The following VTA1 variants were observed in gnomAD, a reference collection of about 807,000 sequenced individuals.
VTA1 encodes the protein vacuolar protein sorting-associated protein VTA1 homolog.
VTA1 carries 24 observed loss-of-function variants against 36.9 expected under a neutral mutation model. The ratio of observed to expected loss-of-function variants is 0.65; its 90% confidence interval spans 0.47 to 0.91. VTA1 has a LOEUF of 0.91. Among genes scored for constraint, VTA1 ranks in the 40% least tolerant of loss-of-function variants. The pLI is 0.00. For missense variants in VTA1, 393 were observed against 377.2 expected, an observed-to-expected ratio of 1.04 and a Z score of -0.35; for synonymous variants, 142 against 130.2, an observed-to-expected ratio of 1.09 and a Z score of -0.62.
At chr6:142,217,746 ATGG>A (rs1487921151) in intron 7 of VTA1, among the ~76,000 whole-genome samples, 1 of 151,996 alleles carries the variant, frequency 6.6e-6, no homozygotes, top group Non-Finnish European at 1.5e-5. Flanking sequence ...TCCAAAGAAA[ATGG>A]TGGTTATTTC....
intron 7 of VTA1, among the ~76,000 whole-genome samples, chr6:142,217,854 T>G (rs1309406872): frequency 1.4e-5 from 2 of 140,114 alleles, no homozygotes; most frequent in Non-Finnish European, 3.2e-5. Flanking sequence ...GTTTTTAATG[T>G]TTTTTTTTTA....
At chr6:142,192,085 A>G (rs764794360) in intron 5 of VTA1, among the ~76,000 whole-genome samples, 1 of 152,100 alleles carries the variant, frequency 6.6e-6, no homozygotes, top group South Asian at 2.1e-4. Flanking sequence ...GCTGAATACC[A>G]CATCACTGTG....
rs762777242 is a variant in VTA1, at chr6:142,147,291, G to A, written c.4G>A (p.Ala2Thr). 12 of 1,614,164 alleles carry A rather than the reference G, an allele frequency of 7.4e-6. No homozygotes were observed. The highest frequency in any genetic ancestry group is 1.6e-4 in the Middle Eastern group (1 of 6,062). ...AAGTGGTGAGTTCGGAGTAGAGATG[G>A]CCGCGCTTGCACCGCTGCCCCCGCT... The part of the protein sequence containing the change: M[A>T]ALAPLPPLPA... The change falls in exon 1 of 8, where the codon GCC becomes ACC. Residue 2 changes from alanine (A) to threonine (T), a missense_variant. Physicochemically the swap from Ala to Thr is moderately conservative, Grantham distance 58 (BLOSUM62 0). Coordinates refer to ENST00000367630, the MANE Select transcript of VTA1 (RefSeq NM_016485.5).
At chr6:142,204,264 C>A (rs1032376362) in intron 7 of VTA1, among the ~76,000 whole-genome samples, 199 bp downstream of exon 7, 2 of 151,982 alleles carry the variant, frequency 1.3e-5, no homozygotes, top group African/African-American at 4.8e-5. Context: ...TTAAAAATAC[C>A]AACATCCAAA....
At position 142,218,846 on chromosome 6, in the gene VTA1, G is replaced by A. The variant is rs531204377; in HGVS notation, c.*203G>A. 22 of 535,746 alleles carry A rather than the reference G, an allele frequency of 4.1e-5. No homozygotes were observed. Among genetic ancestry groups the A allele is most frequent in the Middle Eastern group, 5.1e-4 (1 of 1,976 alleles). The allele number at this position is 535,746 out of a possible 1,614,324, so 33.2% of individuals were successfully genotyped here. On this transcript the variant is annotated 3_prime_UTR_variant, in exon 8 of 8. Transcript: ENST00000367630. Reference sequence around the variant, plus strand: ...CATTGTCCATTTACTAGATTCAATCGTCTCTGAGTATATAGGGCTGATGTT... The same window carrying A: ...CATTGTCCATTTACTAGATTCAATCATCTCTGAGTATATAGGGCTGATGTT...
intron 4 of VTA1, among the ~76,000 whole-genome samples, chr6:142,171,775 T>C (rs1389960402): frequency 6.6e-6 from 1 of 152,232 alleles, no homozygotes; most frequent in Non-Finnish European, 1.5e-5. Context: ...GGCAATGTTT[T>C]TTTTGTGATT....
At chr6:142,155,465 A>C (rs1251986530) in intron 1 of VTA1, among the ~76,000 whole-genome samples, 2 of 152,210 alleles carry the variant, frequency 1.3e-5, no homozygotes, top group Non-Finnish European at 2.9e-5. Context: ...CATAGAAAGT[A>C]ATGTAATTGT....
chr6:142,160,524 A>G (rs947711723), intron 1 of VTA1, among the ~76,000 whole-genome samples: 5 of 151,978 alleles, frequency 3.3e-5, no homozygotes, highest in African/African-American at 7.3e-5. Flanking sequence ...CAACTGCCTC[A>G]GTCTCCCTGA....
In VTA1 at chr6:142,222,296, T is replaced by A. The variant is rs1239569182; in HGVS notation, c.*3653T>A. On this transcript the variant is annotated 3_prime_UTR_variant, in exon 8 of 8. Transcript: ENST00000367630. ...AAGTGAAACTGATAACGGTGTTTTG[T>A]CAATGCGGCAGAGGGAGAAGAAGAA... is the stretch of plus-strand genomic sequence containing the variant. The A allele has an allele frequency of 6.6e-6, 1 of 152,206 alleles. No individual in the cohort carries two copies. Among genetic ancestry groups the A allele is most frequent in the Non-Finnish European group, 1.5e-5 (1 of 68,046 alleles). The allele number at this position is 152,206 out of a possible 1,614,324, so 9.4% of individuals were successfully genotyped here. A position where few individuals can be genotyped will look rare whatever the true frequency, so the allele number is the denominator to read the frequency against.
intron 1 of VTA1, among the ~76,000 whole-genome samples, chr6:142,152,641 T>C (rs537638239): frequency 1.4e-3 from 209 of 152,284 alleles, no homozygotes; most frequent in Non-Finnish European, 2.2e-3. Flanking sequence ...ATCAAGTTGC[T>C]ATGATAGTTT....
rs1267168980 is a variant in VTA1 at position 142,222,009 on chromosome 6, T to A, written c.*3366T>A. 6.6e-6 allele frequency: 1 copy of A among 151,694 alleles called. No individual in the cohort carries two copies. Among genetic ancestry groups the A allele is most frequent in the Non-Finnish European group, 1.5e-5 (1 of 67,928 alleles). The allele number at this position is 151,694 out of a possible 1,614,324, so 9.4% of individuals were successfully genotyped here. On this transcript the variant is annotated 3_prime_UTR_variant, in exon 8 of 8. Coordinates refer to ENST00000367630, the MANE Select transcript of VTA1 (RefSeq NM_016485.5). ...GTATTACAATAATCAAGGTGAGATATTATGATGTCTTAGTCCAGGAGTAGC... is the reference window on the plus strand; with the variant it reads ...GTATTACAATAATCAAGGTGAGATAATATGATGTCTTAGTCCAGGAGTAGC...
intron 5 of VTA1, among the ~76,000 whole-genome samples, chr6:142,192,287 T>A (rs1775469344): frequency 6.6e-6 from 1 of 152,096 alleles, no homozygotes. Flanking sequence ...GATTTTGCAC[T>A]AATGTAAGTG....
rs1776135752 is a variant in VTA1, at chr6:142,222,816, T to A, written c.*4173T>A. On this transcript the variant is annotated 3_prime_UTR_variant, in exon 8 of 8. Transcript: ENST00000367630. ...ATAATCATAATAGCTAACATTTCAA[T>A]GTTTACTAAATGTCAGATACTATTC... The A allele has an allele frequency of 1.3e-5, 2 of 152,218 alleles. No individual in the cohort carries two copies. Among genetic ancestry groups the A allele is most frequent in the Admixed American group, 6.5e-5 (1 of 15,282 alleles). The allele number at this position is 152,218 out of a possible 1,614,324, so 9.4% of individuals were successfully genotyped here. A position where few individuals can be genotyped will look rare whatever the true frequency, so the allele number is the denominator to read the frequency against.
intron 4 of VTA1, among the ~76,000 whole-genome samples, chr6:142,184,560 A>C (rs1355197911): frequency 6.6e-6 from 1 of 152,170 alleles, no homozygotes; most frequent in African/African-American, 2.4e-5. Context: ...GACTTACTGG[A>C]AATGAGGGTG....
chr6:142,167,275 C>T (rs1009493085), intron 2 of VTA1, among the ~76,000 whole-genome samples: 1 of 152,140 alleles, frequency 6.6e-6, no homozygotes, highest in African/African-American at 2.4e-5. Flanking sequence ...AGTAGTCACA[C>T]TTAGTAATGA....
intron 1 of VTA1, among the ~76,000 whole-genome samples, chr6:142,161,754 C>CA (rs1194457319): frequency 3.9e-5 from 6 of 152,058 alleles, no homozygotes; most frequent in Admixed American, 3.9e-4. Flanking sequence ...TTGCTTGTCT[C>CA]AGAGTTCTTT....
chr6:142,198,879 T>C, intron 6 of VTA1: 1 of 238,958 alleles, frequency 4.2e-6, no homozygotes, highest in Non-Finnish European at 8.0e-6. Flanking sequence ...TTCCATGCTT[T>C]TCATATATAT....
chr6:142,191,668 A>G (rs1172089279), intron 5 of VTA1, among the ~76,000 whole-genome samples: 1 of 152,092 alleles, frequency 6.6e-6, no homozygotes, highest in African/African-American at 2.4e-5. Flanking sequence ...ATAAAGGAGA[A>G]TATTTTCACT....
intron 3 of VTA1, among the ~76,000 whole-genome samples, 168 bp from the exon 4 acceptor site, chr6:142,170,178 C>G (rs1775000629): frequency 6.6e-6 from 1 of 152,092 alleles, no homozygotes; most frequent in South Asian, 2.1e-4. Context: ...CTCATAGTAA[C>G]AGATTAGAAA....
Sources: allele counts gnomAD v4.1 joint callset (sites outside exome capture counted in the v4.1 genomes callset), GRCh38; gene constraint gnomAD v4.1.1; transcripts MANE v1.5; gene names NCBI Gene and HGNC (gene_info 2026-07-23, HGNC 2026-07-21).